Variants in ZDHHC7 observed in about 807,000 individuals in gnomAD.
ZDHHC7 encodes the protein zDHHC palmitoyltransferase 7, also known as palmitoyltransferase ZDHHC7.
ZDHHC7 carries 12 observed loss-of-function variants against 34.1 expected under a neutral mutation model. The observed-to-expected ratio is 0.35, with a 90% CI of 0.23 to 0.57. ZDHHC7 has a LOEUF of 0.57. Ranked by LOEUF, ZDHHC7 falls within the 20% of genes least tolerant of loss-of-function variation. ZDHHC7 has a pLI of 0.84. For synonymous variants in ZDHHC7, 185 were observed against 155.4 expected (o/e 1.19, Z -1.42); for missense variants, 388 against 402.7 (o/e 0.96, Z 0.31).
intron 2 of ZDHHC7, among the ~76,000 whole-genome samples, chr16:84,992,935 T>C (rs997464378): frequency 2.6e-5 from 4 of 152,202 alleles, no homozygotes; most frequent in African/African-American, 9.6e-5. Context: ...CTTTAAAAAA[T>C]TTCCTCTCGA....
At position 84,975,243 on chromosome 16, in the gene ZDHHC7, C is replaced by T. The variant is rs575249995; in HGVS notation, c.*1100G>A. On this transcript the variant is annotated 3_prime_UTR_variant, in exon 8 of 8. Transcript: ENST00000313732. ...CCATTCCCGACTGGAGCGCTGCCTG[C>T]GGTGGCACAGTCGCCCCTGCCAGGG... 70 of 152,834 alleles carry T rather than the reference C, an allele frequency of 4.6e-4. No individual in the cohort carries two copies. Among genetic ancestry groups the T allele is most frequent in the Non-Finnish European group, 4.4e-5 (3 of 68,080 alleles). The allele number at this position is 152,834 out of a possible 1,614,324, so 9.5% of individuals were successfully genotyped here.
At chr16:84,998,444 G>A (rs954252557) in intron 1 of ZDHHC7, among the ~76,000 whole-genome samples, 2 of 152,126 alleles carry the variant, frequency 1.3e-5, no homozygotes, top group African/African-American at 2.4e-5. Flanking sequence ...ATGCTTCCAC[G>A]ACAGTGCTTT....
chr16:84,998,883 A>C (rs2143700083), intron 1 of ZDHHC7, among the ~76,000 whole-genome samples: 1 of 150,430 alleles, frequency 6.6e-6, no homozygotes, highest in African/African-American at 2.5e-5. Flanking sequence ...CCTCCCGAGT[A>C]GCTGGGATTA....
intron 1 of ZDHHC7, among the ~76,000 whole-genome samples, chr16:85,001,166 C>T (rs1440482655): frequency 1.3e-5 from 2 of 152,086 alleles, no homozygotes; most frequent in Non-Finnish European, 2.9e-5. Context: ...TTAGGTAAAC[C>T]AGATGGTTTA....
intron 6 of ZDHHC7, among the ~76,000 whole-genome samples, chr16:84,977,454 A>G (rs1010644478): frequency 5.3e-5 from 8 of 152,154 alleles, no homozygotes; most frequent in Non-Finnish European, 1.2e-4. Context: ...AAGAGTCTGT[A>G]TTTTCTGAGG....
chr16:85,022,480 G>A, the ZDHHC7 span, among the ~76,000 whole-genome samples: 118 of 152,194 alleles, frequency 7.8e-4, no homozygotes, highest in Middle Eastern at 3.4e-3. Context: ...CTGAGATTGC[G>A]CCACTGGACT....
At chr16:84,982,154 G>A (rs1366146515) in intron 3 of ZDHHC7, 160 bp from the exon 4 acceptor site, 3 of 803,350 alleles carry the variant, frequency 3.7e-6, no homozygotes, top group Non-Finnish European at 5.7e-6. Flanking sequence ...ACCCAGCCTG[G>A]TCAACATGGT....
At chr16:85,001,992 T>C (rs2072659239) in intron 1 of ZDHHC7, among the ~76,000 whole-genome samples, 1 of 151,972 alleles carries the variant, frequency 6.6e-6, no homozygotes, top group African/African-American at 2.4e-5. Context: ...GTGTTCACAA[T>C]ACACACACAC....
chr16:84,976,850 T>A (rs1169395835), intron 7 of ZDHHC7, among the ~76,000 whole-genome samples: 1 of 152,238 alleles, frequency 6.6e-6, no homozygotes, highest in East Asian at 1.9e-4. Context: ...CCCTGAAATT[T>A]ACTGACTGCA....
intron 3 of ZDHHC7, among the ~76,000 whole-genome samples, chr16:84,984,971 ATTC>A (rs1197976540): frequency 3.9e-5 from 6 of 152,206 alleles, no homozygotes; most frequent in African/African-American, 9.6e-5. Context: ...CCCATGGGGC[ATTC>A]TTCTTCCCAC....
rs1167636314 is a variant in ZDHHC7 at position 84,990,382 on chromosome 16, A to G, written c.237T>C (p.Ser79=). ...MLLPSKDFWY[S]VVNGVIFNCL... is the part of the protein sequence containing the mutation. ...AGTTAAAGATGACCCCGTTGACCAC[A>G]GAGTACCAGAAGTCTTTGGAAGGCA... is the stretch of plus-strand genomic sequence containing the variant. Residue 79 remains serine (S), a synonymous_variant, in exon 3 of 8, where the codon TCT becomes TCC. Transcript: ENST00000313732. The G allele has an allele frequency of 3.7e-6, 6 of 1,614,194 alleles. No individual in the cohort carries two copies. Among genetic ancestry groups the G allele is most frequent in the Non-Finnish European group, 5.1e-6 (6 of 1,180,034 alleles).
chr16:85,007,250 C>T (rs889815624), intron 1 of ZDHHC7, among the ~76,000 whole-genome samples: 5 of 151,196 alleles, frequency 3.3e-5, no homozygotes, highest in Non-Finnish European at 7.4e-5. Context: ...ATGGTAAAAA[C>T]CCGTCTCTAC....
upstream of ZDHHC7, among the ~76,000 whole-genome samples, chr16:85,015,804 T>G (rs2072831652): frequency 1.3e-5 from 2 of 150,290 alleles, no homozygotes; most frequent in Admixed American, 1.3e-4. Context: ...ACCACTGCAC[T>G]CCAGCTAGGG....
chr16:85,008,759 A>C (rs1400306607), intron 1 of ZDHHC7, among the ~76,000 whole-genome samples: 1 of 152,040 alleles, frequency 6.6e-6, no homozygotes, highest in Non-Finnish European at 1.5e-5. Flanking sequence ...AAGAAAAAAA[A>C]AAAGGGTCAG....
chr16:84,981,920 G>A lies in ZDHHC7; in HGVS notation c.390C>T (p.Tyr130=), dbSNP rs745844141. Residue 130 remains tyrosine (Y), a synonymous_variant, in exon 4 of 8, where the codon TAC becomes TAT. Transcript: ENST00000313732. ...TAATACAGCAGCACTTGGGGCACTT[G>A]TAGATGACTTCCCCGGGCTTCAGCT... The part of the protein sequence containing the change: ...SLQLKPGEVI[Y]KCPKCCCIKP... 2.4e-5 allele frequency: 39 copies of A among 1,614,104 alleles called. No homozygotes were observed. The South Asian group carries it at 3.8e-4, about 16-fold the overall frequency.
the ZDHHC7 span, among the ~76,000 whole-genome samples, chr16:85,018,818 A>G: frequency 2.0e-5 from 3 of 152,282 alleles, no homozygotes; most frequent in Non-Finnish European, 2.9e-5. Context: ...ATGCAGTGGA[A>G]AATCAGAGAC....
At chr16:85,017,294 A>C in the ZDHHC7 span, among the ~76,000 whole-genome samples, 1 of 152,246 alleles carries the variant, frequency 6.6e-6, no homozygotes, top group African/African-American at 2.4e-5. Flanking sequence ...CAGGGAAATG[A>C]AAACTTAAAC....
upstream of ZDHHC7, among the ~76,000 whole-genome samples, chr16:85,013,655 A>C (rs1421465651): frequency 6.6e-6 from 1 of 151,922 alleles, no homozygotes; most frequent in African/African-American, 2.4e-5. Context: ...CATGTTAATA[A>C]ACTTCTGTTT....
the ZDHHC7 span, among the ~76,000 whole-genome samples, chr16:85,020,771 G>A: frequency 6.6e-6 from 1 of 152,154 alleles, no homozygotes; most frequent in Non-Finnish European, 1.5e-5. Context: ...GAGGGGCAGA[G>A]GAAAGCCACT....
Sources: gnomAD v4.1 joint callset for allele counts (sites outside exome capture counted in the v4.1 genomes callset) on GRCh38, gnomAD v4.1.1 for gene constraint, MANE v1.5 for transcripts, NCBI Gene and HGNC (gene_info 2026-07-23, HGNC 2026-07-21) for gene names.